PTPN12: variants seen among roughly 807,000 people sequenced by gnomAD.
The protein encoded by PTPN12 is tyrosine-protein phosphatase non-receptor type 12.
PTPN12 carries 29 observed loss-of-function variants against 97.6 expected under a neutral mutation model. The ratio of observed to expected loss-of-function variants is 0.30; its 90% CI spans 0.22 to 0.41. The LOEUF (loss-of-function observed/expected upper bound fraction) is 0.41. Ranked by LOEUF, PTPN12 falls within the 10% of genes least tolerant of loss-of-function variation. The probability of loss-of-function intolerance (pLI) is 1.00; values close to 1 mark genes in which losing one functional copy is unlikely to be tolerated. For missense variants in PTPN12, 819 were observed against 926.0 expected (o/e 0.88, Z 1.50); for synonymous variants, 327 against 300.4 (o/e 1.09, Z -0.91).
intron 12 of PTPN12, among the ~76,000 whole-genome samples, chr7:77,620,208 C>T (rs892974326): frequency 3.9e-5 from 6 of 152,160 alleles, no homozygotes; most frequent in African/African-American, 1.4e-4. Context: ...CATGTAGCAG[C>T]AGTCTCTTCT....
chr7:77,626,717 A>G lies in PTPN12; in HGVS notation c.1038A>G (p.Glu346=). The G allele has an allele frequency of 6.3e-7, 1 of 1,596,888 alleles. No individual in the cohort carries two copies. The change falls in exon 13 of 18, where the codon GAA becomes GAG. Residue 346 remains glutamate (E), a synonymous_variant. Transcript: ENST00000248594. ...KPPRTRSCLV[E]GDAKEEILQP... ...GTTTGTTTTTCAGTTGCCTTGTTGA[A>G]GGGGATGCTAAAGAAGAAATACTGC...
At chr7:77,582,763 G>GA (rs2151332456) in intron 3 of PTPN12, among the ~76,000 whole-genome samples, 2 of 142,774 alleles carry the variant, frequency 1.4e-5, no homozygotes, top group East Asian at 4.1e-4. Flanking sequence ...CAGTCTGGGT[G>GA]ACAGAGCAAG....
chr7:77,596,122 G>T (rs561710989), intron 6 of PTPN12, among the ~76,000 whole-genome samples: 2 of 152,178 alleles, frequency 1.3e-5, no homozygotes, highest in African/African-American at 4.8e-5. Flanking sequence ...TCTGGGGGTG[G>T]TTACTACTTT....
chr7:77,601,586 C>T (rs888014584), intron 8 of PTPN12, among the ~76,000 whole-genome samples: 13 of 151,762 alleles, frequency 8.6e-5, no homozygotes, highest in Non-Finnish European at 1.5e-4. Flanking sequence ...TAAGACACAC[C>T]ATTATTATAT....
intron 1 of PTPN12, among the ~76,000 whole-genome samples, chr7:77,546,192 C>T (rs1057366256): frequency 9.2e-5 from 14 of 152,064 alleles, no homozygotes; most frequent in Non-Finnish European, 1.8e-4. Flanking sequence ...GATGAGAAAG[C>T]TAAAAATTTA....
At chr7:77,625,889 A>C (rs909511846) in intron 12 of PTPN12, among the ~76,000 whole-genome samples, 4 of 151,936 alleles carry the variant, frequency 2.6e-5, no homozygotes, top group Admixed American at 2.6e-4. Flanking sequence ...TTAAGGAAAA[A>C]AATAAAGGCA....
chr7:77,549,280 A>G (rs1301007417), intron 1 of PTPN12, among the ~76,000 whole-genome samples: 1 of 152,160 alleles, frequency 6.6e-6, no homozygotes, highest in Non-Finnish European at 1.5e-5. Context: ...AAAATTTACT[A>G]TTTTAAGGTT....
At chr7:77,603,581 A>G (rs1464619017) in intron 8 of PTPN12, among the ~76,000 whole-genome samples, 2 of 151,834 alleles carry the variant, frequency 1.3e-5, no homozygotes, top group African/African-American at 4.8e-5. Flanking sequence ...CGCCTCAACT[A>G]TTTTAAACAG....
chr7:77,604,655 TTTTGTCCATTGAGATA>T (rs1342211565), intron 8 of PTPN12, among the ~76,000 whole-genome samples: 1 of 152,142 alleles, frequency 6.6e-6, no homozygotes, highest in Admixed American at 6.5e-5. Flanking sequence ...TTTGAATGGT[TTTTGTCCATTGAGATA>T]TTTGTACATA....
chr7:77,610,511 A>T (rs1341769463), intron 9 of PTPN12, among the ~76,000 whole-genome samples: 1 of 152,220 alleles, frequency 6.6e-6, no homozygotes, highest in African/African-American at 2.4e-5. Context: ...ACAGTTAGCC[A>T]TAGCCTCTTT....
In PTPN12 at chr7:77,625,472, G is replaced by GCTCGCGCGCTCTCTCTCTCT; in HGVS notation, c.1026-1230_1026-1229insGCGCGCTCTCTCTCTCTCTC. ...TTTTGCCATATTGCCCAGGCTGCTCGCTCTCTCTCTCTCTCTCTCTCTCTC... is the reference window on the plus strand; with the variant it reads ...TTTTGCCATATTGCCCAGGCTGCTCGCTCGCGCGCTCTCTCTCTCTCTCTCTCTCTCTCTCTCTCTCTCTC... On this transcript the variant is annotated intron_variant, in intron 12 of 17. Transcript: ENST00000248594. 4.1e-3 allele frequency among the ~76,000 whole-genome samples: 136 copies of GCTCGCGCGCTCTCTCTCTCT among 33,514 alleles called. 16 individuals are homozygous for GCTCGCGCGCTCTCTCTCTCT. The highest frequency in any genetic ancestry group is 7.7e-3 in the African/African-American group (58 of 7,520). The allele number at this position is 33,514 out of a possible 152,430, so 22.0% of individuals were successfully genotyped here.
intron 1 of PTPN12, among the ~76,000 whole-genome samples, chr7:77,570,476 A>T (rs1663677049): frequency 6.6e-6 from 1 of 152,236 alleles, no homozygotes; most frequent in South Asian, 2.1e-4. Flanking sequence ...TATTACTGAC[A>T]CGCAGAAATA....
intron 13 of PTPN12, among the ~76,000 whole-genome samples, chr7:77,631,391 G>A (rs1789391488): frequency 6.6e-6 from 1 of 152,174 alleles, no homozygotes. Flanking sequence ...ATCAGGTGTG[G>A]TAAAATAGCA....
intron 9 of PTPN12, among the ~76,000 whole-genome samples, chr7:77,610,293 T>C (rs757976807): frequency 1.3e-5 from 2 of 152,252 alleles, no homozygotes; most frequent in South Asian, 4.1e-4. Flanking sequence ...CTCTTTATTA[T>C]GTTCACAGTC....
Position 77,580,969 on chromosome 7 carries a change from T to A in PTPN12, c.209-458T>A, listed in dbSNP as rs539624425. ...AGATAATGTCCTGGAATTTGAATTT[T>A]AAAAGAGTTCCAGAGATGATTCTTA... On this transcript the variant is annotated intron_variant, in intron 2 of 17. Coordinates refer to ENST00000248594, the MANE Select transcript of PTPN12 (RefSeq NM_002835.4). 1.2e-4 allele frequency among the ~76,000 whole-genome samples: 18 copies of A among 152,354 alleles called. No individual in the cohort carries two copies. The South Asian group carries it at 2.5e-3, about 21-fold the overall frequency.
intron 9 of PTPN12, among the ~76,000 whole-genome samples, chr7:77,610,037 C>T (rs138628355): frequency 0.01 from 1,530 of 152,260 alleles, 15 homozygotes; most frequent in South Asian, 0.025. Flanking sequence ...TGTAAACCTC[C>T]GCCAGTTTCT....
rs539882875 is a variant in PTPN12 at position 77,632,441 on chromosome 7, G to C, written c.2074+16G>C. ...AGTGAACATAGTGAGTGTCTCTTTT[G>C]CTTTTACATTTACTTCATATTCTAA... On this transcript the variant is annotated intron_variant, in intron 14 of 17. Transcript: ENST00000248594. 1.8e-5 allele frequency: 29 copies of C among 1,575,436 alleles called. No individual in the cohort carries two copies. The African/African-American group carries it at 3.9e-4, about 21-fold the overall frequency.
intron 8 of PTPN12, among the ~76,000 whole-genome samples, chr7:77,606,573 A>C (rs1395010544): frequency 6.6e-6 from 1 of 152,162 alleles, no homozygotes; most frequent in Non-Finnish European, 1.5e-5. Flanking sequence ...CTTAAAAATG[A>C]AATGTTTAAA....
rs909208446 is a variant in PTPN12, at chr7:77,621,218, A to G, written c.1025+2653A>G. Among the ~76,000 whole-genome samples, 20 of 152,188 alleles carry G rather than the reference A, an allele frequency of 1.3e-4. No individual in the cohort carries two copies. In the East Asian group the frequency reaches 3.9e-3, roughly 29 times the overall value. On this transcript the variant is annotated intron_variant, in intron 12 of 17. Transcript: ENST00000248594. ...ATCAATATCACTGCCTTCTGCCTCCATATCTTGTCCTGCTGGAAGGTATCG... is the reference window on the plus strand; with the variant it reads ...ATCAATATCACTGCCTTCTGCCTCCGTATCTTGTCCTGCTGGAAGGTATCG...
Sources: allele counts gnomAD v4.1 joint callset (sites outside exome capture counted in the v4.1 genomes callset), GRCh38; gene constraint gnomAD v4.1.1; transcripts MANE v1.5; gene names NCBI Gene and HGNC (gene_info 2026-07-23, HGNC 2026-07-21).